The following RGPD1 variants were observed in gnomAD, a reference collection of about 807,000 sequenced individuals.
RGPD1 encodes RANBP2 like and GRIP domain containing 1.
In RGPD1, 7 loss-of-function variants were observed where a neutral mutation model predicts 40.6. The ratio of observed to expected loss-of-function variants is 0.17; its 90% CI spans 0.10 to 0.32. The LOEUF (loss-of-function observed/expected upper bound fraction) is 0.32, where lower values mean the gene tolerates loss of function less well. Among genes scored for constraint, RGPD1 ranks in the 10% least tolerant of loss-of-function variants. RGPD1 has a pLI of 1.00. For missense variants in RGPD1, 50 were observed against 472.5 expected (o/e 0.11, Z 8.29); for synonymous variants, 24 against 167.0 (o/e 0.14, Z 6.60).
At chr2:86,930,774 T>C in intron 1 of RGPD1, 1 of 1,255,224 alleles carries the variant, frequency 8.0e-7, no homozygotes. Context: ...TACAGCCCCC[T>C]GAGGACCACA....
chr2:86,942,098 T>G, upstream of RGPD1: 2 of 1,213,854 alleles, frequency 1.6e-6, no homozygotes, highest in Non-Finnish European at 1.1e-6. Context: ...TACACAGTGC[T>G]GACGCAGTAC....
At chr2:86,924,595 G>T (rs1678324610) in intron 1 of RGPD1, among the ~76,000 whole-genome samples, 1 of 150,394 alleles carries the variant, frequency 6.6e-6, no homozygotes, top group African/African-American at 2.4e-5. Context: ...CCTCCAAGTG[G>T]CTAGGACTAC....
intron 1 of RGPD1, among the ~76,000 whole-genome samples, chr2:86,944,397 T>TA (rs760157385): frequency 6.6e-5 from 10 of 152,038 alleles, no homozygotes; most frequent in Non-Finnish European, 1.2e-4. Context: ...TTAAAGACTT[T>TA]AATTTTTGTG....
chr2:86,944,143 T>G (rs895633164), intron 1 of RGPD1, among the ~76,000 whole-genome samples: 3 of 152,196 alleles, frequency 2.0e-5, no homozygotes, highest in African/African-American at 7.2e-5. Flanking sequence ...CTGTGGATAT[T>G]GAGACCTGTA....
chr2:86,926,819 ATTATTAT>A (rs1275893526), intron 1 of RGPD1, among the ~76,000 whole-genome samples: 1 of 152,120 alleles, frequency 6.6e-6, no homozygotes, highest in African/African-American at 2.4e-5. Context: ...GAACCCAGGT[ATTATTAT>A]TTTCAGTCTT....
chr2:86,926,394 G>T (rs1286112062), intron 1 of RGPD1, among the ~76,000 whole-genome samples: 2 of 150,522 alleles, frequency 1.3e-5, no homozygotes, highest in Non-Finnish European at 1.5e-5. Context: ...GTTTTGTAGG[G>T]CGTGTACTGG....
chr2:86,929,449 G>A (rs943118277), intron 1 of RGPD1, among the ~76,000 whole-genome samples: 5 of 151,648 alleles, frequency 3.3e-5, no homozygotes, highest in African/African-American at 1.2e-4. Flanking sequence ...ACACAGAAAT[G>A]TTAATTCATG....
At chr2:86,914,241 G>GCCT (rs1677624573) in intron 1 of RGPD1, among the ~76,000 whole-genome samples, 1 of 89,996 alleles carries the variant, frequency 1.1e-5, no homozygotes, top group Non-Finnish European at 2.3e-5. Context: ...TGGCCGGGCG[G>GCCT]CGGCGGCGGC....
At chr2:86,929,804 TCTC>T (rs2104704411) in intron 1 of RGPD1, among the ~76,000 whole-genome samples, 1 of 136,926 alleles carries the variant, frequency 7.3e-6, no homozygotes, top group African/African-American at 2.7e-5. Flanking sequence ...ATACTGCCCC[TCTC>T]CTCAGGGCTC....
rs1286060941 is a variant in RGPD1 at position 86,929,420 on chromosome 2, T to C, written c.72+15499T>C. On this transcript the variant is annotated intron_variant, in intron 1 of 22. Coordinates refer to the RGPD1 transcript ENST00000398193. Reference sequence around the variant, plus strand: ...TCAGTTTTTTAGATTTAGAAACTGGTCAGTGTCAGAGCGATCAGACACAGA... The same window carrying C: ...TCAGTTTTTTAGATTTAGAAACTGGCCAGTGTCAGAGCGATCAGACACAGA... 2.0e-5 allele frequency among the ~76,000 whole-genome samples: 3 copies of C among 152,088 alleles called. No homozygotes were observed. The East Asian group carries it at 5.8e-4, about 30-fold the overall frequency.
chr2:86,936,133 G>A (rs377691563), intron 1 of RGPD1, among the ~76,000 whole-genome samples: 1 of 134,996 alleles, frequency 7.4e-6, no homozygotes, highest in Non-Finnish European at 1.6e-5. Context: ...AGCCTCCCAC[G>A]TAGCTAGGAC....
chr2:86,924,681 A>G lies in RGPD1; in HGVS notation c.72+10760A>G, dbSNP rs529144958. ...AAGGTCTTACTATAATATGTTGCCC[A>G]GGCTGGTCTCAAACTCCTGGGCTCA... is the stretch of plus-strand genomic sequence containing the variant. On this transcript the variant is annotated intron_variant, in intron 1 of 22. Transcript: ENST00000398193. 3.3e-5 allele frequency among the ~76,000 whole-genome samples: 5 copies of G among 151,768 alleles called. No individual in the cohort carries two copies. In the South Asian group the frequency reaches 1.0e-3, roughly 32 times the overall value.
chr2:86,942,116 C>A (rs1489604157), upstream of RGPD1: 2 of 1,360,676 alleles, frequency 1.5e-6, no homozygotes, highest in East Asian at 2.7e-5. Context: ...TACACAAGTG[C>A]GTCACAGTGG....
At chr2:86,936,113 G>T (rs1429073054) in intron 1 of RGPD1, among the ~76,000 whole-genome samples, 1 of 136,376 alleles carries the variant, frequency 7.3e-6, no homozygotes, top group Non-Finnish European at 1.6e-5. Context: ...TCACGCTGTT[G>T]TCCTGCCTCA....
chr2:86,997,033 T>TA (rs1681804565), intron 21 of RGPD1, among the ~76,000 whole-genome samples: 1 of 146,846 alleles, frequency 6.8e-6, no homozygotes, highest in Admixed American at 6.8e-5. Context: ...ATTTCCATGA[T>TA]ACCCTGTGCT....
chr2:86,942,073 C>T (rs1348559702), upstream of RGPD1, among the ~76,000 whole-genome samples: 35 of 151,424 alleles, frequency 2.3e-4, no homozygotes, highest in African/African-American at 7.7e-4. Context: ...GCTCGAGCGC[C>T]GACGTCGCCA....
chr2:86,919,726 A>G (rs1678001189), intron 1 of RGPD1, among the ~76,000 whole-genome samples: 3 of 118,448 alleles, frequency 2.5e-5, no homozygotes, highest in Non-Finnish European at 5.0e-5. Flanking sequence ...CTGCCTCCAT[A>G]CCTTTAGTGC....
intron 1 of RGPD1, among the ~76,000 whole-genome samples, chr2:86,945,540 C>G (rs1358926016): frequency 1.3e-5 from 2 of 152,164 alleles, no homozygotes; most frequent in Non-Finnish European, 2.9e-5. Flanking sequence ...GTCTGTATAT[C>G]ATATCTTTCT....
intron 1 of RGPD1, among the ~76,000 whole-genome samples, chr2:86,926,923 T>A (rs893836683): frequency 1.3e-5 from 2 of 152,046 alleles, no homozygotes. Context: ...TGGGCTTTAA[T>A]CCTTGAGTAG....
Sources: gnomAD v4.1 joint callset for allele counts (sites outside exome capture counted in the v4.1 genomes callset) on GRCh38, gnomAD v4.1.1 for gene constraint, MANE v1.5 for transcripts, NCBI Gene and HGNC (gene_info 2026-07-23, HGNC 2026-07-21) for gene names.